Variants in STXBP5L observed in about 807,000 individuals in gnomAD.
The protein encoded by STXBP5L is syntaxin-binding protein 5-like.
Under a neutral mutation model 144.5 loss-of-function variants are expected in STXBP5L, and 65 were observed. The observed-to-expected ratio is 0.45, with a 90% CI of 0.37 to 0.55. STXBP5L has a LOEUF of 0.55. STXBP5L is among the 20% of genes least tolerant of loss of function. STXBP5L has a pLI of 0.00. For missense variants in STXBP5L, 1,298 were observed against 1,405.5 expected, an observed-to-expected ratio of 0.92 and a Z score of 1.22; for synonymous variants, 505 against 469.6, an observed-to-expected ratio of 1.08 and a Z score of -0.97.
chr3:121,144,467 G>A (rs1253386253), intron 7 of STXBP5L, among the ~76,000 whole-genome samples: 6 of 151,904 alleles, frequency 3.9e-5, no homozygotes, highest in South Asian at 2.1e-4. Context: ...ATTTTAAACC[G>A]AAAGACACCT....
At chr3:121,222,948 A>T in intron 10 of STXBP5L, 55 bp from the exon 11 acceptor site, 1 of 1,539,622 alleles carries the variant, frequency 6.5e-7, no homozygotes, top group African/African-American at 1.4e-5. Flanking sequence ...CAGTCCTGTG[A>T]CTTTGTGTCA....
intron 3 of STXBP5L, among the ~76,000 whole-genome samples, chr3:120,976,394 CCTCT>C (rs1362876448): frequency 1.3e-5 from 2 of 151,810 alleles, no homozygotes; most frequent in Non-Finnish European, 2.9e-5. Context: ...GGTGATATCC[CCTCT>C]ATCATTTTTC....
Position 121,189,114 on chromosome 3 carries a change from G to A in STXBP5L, c.878-16809G>A, listed in dbSNP as rs564746271. Among the ~76,000 whole-genome samples the A allele has an allele frequency of 3.9e-5, 6 of 152,210 alleles. No homozygotes were observed. The South Asian group carries it at 1.2e-3, about 32-fold the overall frequency. ...GCTGATAAGCTCATTGTAGATTCTG[G>A]ATATTAGCCCTTTGTCAGATGAGTA... On this transcript the variant is annotated intron_variant, in intron 9 of 26. Transcript: ENST00000471454.
At chr3:121,196,703 C>T (rs149289804) in intron 9 of STXBP5L, among the ~76,000 whole-genome samples, 79 of 152,012 alleles carry the variant, frequency 5.2e-4, no homozygotes, top group African/African-American at 1.8e-3. Context: ...CATTCTGTCA[C>T]GCAGGCAGGA....
At chr3:120,984,972 T>G (rs1336109138) in intron 3 of STXBP5L, among the ~76,000 whole-genome samples, 2 of 152,130 alleles carry the variant, frequency 1.3e-5, no homozygotes, top group African/African-American at 2.4e-5. Flanking sequence ...TGATCAATAT[T>G]CATATGTTGA....
chr3:121,186,587 G>T (rs2047391597), intron 9 of STXBP5L, among the ~76,000 whole-genome samples: 1 of 152,160 alleles, frequency 6.6e-6, no homozygotes, highest in Non-Finnish European at 1.5e-5. Context: ...TTTATATGCT[G>T]GATTACATTT....
rs1421465024 is a variant in STXBP5L, at chr3:121,121,651, A to T, written c.616A>T (p.Thr206Ser). 52 of 1,604,398 alleles carry T rather than the reference A, an allele frequency of 3.2e-5. 1 individual carries two copies. Among genetic ancestry groups the T allele is most frequent in the Non-Finnish European group, 4.0e-5 (47 of 1,173,242 alleles). The change falls in exon 7 of 27, where the codon ACT becomes TCT. Residue 206 changes from threonine to serine, a missense_variant. Coordinates refer to ENST00000471454, the MANE Select transcript of STXBP5L (RefSeq NM_001308330.2). ...WNKAIELSTKTHPGPVVHLSD... is the reference protein window; with the variant it reads ...WNKAIELSTKSHPGPVVHLSD... Reference sequence around the variant, plus strand: ...GAATTGATTTAACAGATCCACTAAGACTCATCCAGGTCCAGTTGTACATTT... The same window carrying T: ...GAATTGATTTAACAGATCCACTAAGTCTCATCCAGGTCCAGTTGTACATTT...
At chr3:121,343,297 T>G (rs1468975800) in intron 20 of STXBP5L, among the ~76,000 whole-genome samples, 1 of 152,132 alleles carries the variant, frequency 6.6e-6, no homozygotes, top group Non-Finnish European at 1.5e-5. Context: ...GTAGGTTGGC[T>G]GTTCACTCTG....
chr3:121,332,924 T>A (rs763897453), intron 20 of STXBP5L, among the ~76,000 whole-genome samples: 7 of 152,154 alleles, frequency 4.6e-5, no homozygotes, highest in Admixed American at 2.0e-4. Flanking sequence ...GCTTTATCTT[T>A]AGCCTCCTTA....
At position 121,340,691 on chromosome 3, in the gene STXBP5L, T is replaced by C. The variant is rs183119165; in HGVS notation, c.2176+22151T>C. On this transcript the variant is annotated intron_variant, in intron 20 of 26. Coordinates refer to ENST00000471454, the MANE Select transcript of STXBP5L (RefSeq NM_001308330.2). ...CTTTTTATGGCTGCAGAGTATTCCA[T>C]GGTGTATATGAAGGCACAGAATATT... 9.0e-3 allele frequency among the ~76,000 whole-genome samples: 1,365 copies of C among 152,196 alleles called. 13 individuals are homozygous for C. Among genetic ancestry groups the C allele is most frequent in the Non-Finnish European group, 0.012 (798 of 68,010 alleles).
chr3:121,024,574 G>C (rs1299218987), intron 3 of STXBP5L, among the ~76,000 whole-genome samples: 1 of 152,038 alleles, frequency 6.6e-6, no homozygotes, highest in Non-Finnish European at 1.5e-5. Context: ...CATCTCTTGG[G>C]TTTCCACTTC....
At chr3:121,226,147 G>C (rs960064228) in intron 11 of STXBP5L, among the ~76,000 whole-genome samples, 3 of 152,208 alleles carry the variant, frequency 2.0e-5, no homozygotes, top group Non-Finnish European at 4.4e-5. Flanking sequence ...CAGATACTAA[G>C]GTTGTGAGCT....
intron 10 of STXBP5L, among the ~76,000 whole-genome samples, chr3:121,213,693 GC>G (rs1284686914): frequency 6.6e-6 from 1 of 152,058 alleles, no homozygotes; most frequent in African/African-American, 2.4e-5. Context: ...TTGTGTCTCT[GC>G]CAGGTTTTGG....
At chr3:121,181,006 CAG>C (rs1426479808) in intron 9 of STXBP5L, among the ~76,000 whole-genome samples, 1 of 151,874 alleles carries the variant, frequency 6.6e-6, no homozygotes, top group African/African-American at 2.4e-5. Context: ...AGAAAGGAAA[CAG>C]TACCTCACAT....
intron 19 of STXBP5L, among the ~76,000 whole-genome samples, chr3:121,314,643 G>T (rs368799390): frequency 4.6e-5 from 7 of 151,368 alleles, no homozygotes; most frequent in Non-Finnish European, 7.4e-5. Context: ...GAGCGTAAGC[G>T]TAAACTAAAG....
At chr3:121,122,299 C>T (rs753271436) in intron 7 of STXBP5L, among the ~76,000 whole-genome samples, 1 of 150,628 alleles carries the variant, frequency 6.6e-6, no homozygotes, top group South Asian at 2.1e-4. Flanking sequence ...CTGAATTAGC[C>T]TATCAAAAAT....
At chr3:120,959,647 G>A (rs1160217556) in intron 3 of STXBP5L, among the ~76,000 whole-genome samples, 1 of 152,152 alleles carries the variant, frequency 6.6e-6, no homozygotes, top group African/African-American at 2.4e-5. Flanking sequence ...AACAAGAAAG[G>A]GGGAAAGGAT....
intron 7 of STXBP5L, among the ~76,000 whole-genome samples, chr3:121,144,139 T>TAAA (rs3070611): frequency 7.4e-6 from 1 of 134,510 alleles, no homozygotes; most frequent in African/African-American, 2.7e-5. Flanking sequence ...AACTCAATAG[T>TAAA]AAAAAAAAAA....
chr3:121,358,292 C>CT (rs75828456), intron 20 of STXBP5L, among the ~76,000 whole-genome samples: 118,962 of 152,018 alleles, frequency 0.78, 46,789 homozygotes, highest in East Asian at 0.93. Context: ...TGGTAATTTT[C>CT]GTATTAGTCC....
Sources: allele counts gnomAD v4.1 joint callset (sites outside exome capture counted in the v4.1 genomes callset), GRCh38; gene constraint gnomAD v4.1.1; transcripts MANE v1.5; gene names NCBI Gene and HGNC (gene_info 2026-07-23, HGNC 2026-07-21).